PLEKHG5: variants seen among roughly 807,000 people sequenced by gnomAD.
PLEKHG5 encodes the protein pleckstrin homology and RhoGEF domain containing G5, also known as pleckstrin homology domain-containing family G member 5.
PLEKHG5 carries 52 observed loss-of-function variants against 103.8 expected under a neutral mutation model. The ratio of observed to expected loss-of-function variants is 0.50; its 90% CI spans 0.40 to 0.63. PLEKHG5 has a LOEUF of 0.63. PLEKHG5 is among the 30% of genes least tolerant of loss of function. The probability of loss-of-function intolerance (pLI) is 0.00; values close to 1 mark genes in which losing one functional copy is unlikely to be tolerated. For synonymous variants in PLEKHG5, 592 were observed against 575.5 expected (o/e 1.03, Z -0.41); for missense variants, 1,205 against 1,347.6 (o/e 0.89, Z 1.66).
In PLEKHG5 at chr1:6,469,178, C is replaced by T. The variant is rs942417681; in HGVS notation, c.2113G>A (p.Glu705Lys). The T allele has an allele frequency of 6.2e-7, 1 of 1,613,302 alleles. No individual in the cohort carries two copies. Among genetic ancestry groups the T allele is most frequent in the Non-Finnish European group, 8.5e-7 (1 of 1,179,930 alleles). Reference protein sequence around the residue: ...PGSQQPLQSLEEEEDEQEEEE... With the variant: ...PGSQQPLQSLKEEEDEQEEEE... ...TCCTCCTGCTCATCCTCCTCCTCTTCCAGGCTCTGCAGGGGCTGCTGACTG... is the reference window on the plus strand; with the variant it reads ...TCCTCCTGCTCATCCTCCTCCTCTTTCAGGCTCTGCAGGGGCTGCTGACTG... The change falls in exon 19 of 21, where the codon GAA becomes AAA. Residue 705 changes from glutamate (E) to lysine (K), a missense_variant. Coordinates refer to ENST00000377728, the MANE Select transcript of PLEKHG5 (RefSeq NM_020631.6).
rs377254091 is a variant in PLEKHG5 at position 6,473,187 on chromosome 1, C to A, written c.796-13G>T. On this transcript the variant is annotated splice_polypyrimidine_tract_variant and intron_variant, in intron 8 of 20. Coordinates refer to ENST00000377728, the MANE Select transcript of PLEKHG5 (RefSeq NM_020631.6). ...TCTTGTCTACCTCCTGGAAAGATACCCTGGTCAGGGTCAGGGGTCATGGCC... is the reference window on the plus strand; with the variant it reads ...TCTTGTCTACCTCCTGGAAAGATACACTGGTCAGGGTCAGGGGTCATGGCC... 1.9e-6 allele frequency: 3 copies of A among 1,613,516 alleles called. No homozygotes were observed. The highest frequency in any genetic ancestry group is 4.5e-5 in the East Asian group (2 of 44,898).
chr1:6,495,482 T>A (rs1237386323), upstream of PLEKHG5, among the ~76,000 whole-genome samples: 1 of 152,152 alleles, frequency 6.6e-6, no homozygotes, highest in Non-Finnish European at 1.5e-5. Flanking sequence ...AGACACATGA[T>A]GGAAGACAAC....
At chr1:6,476,694 C>T (rs1490037466) in intron 2 of PLEKHG5, among the ~76,000 whole-genome samples, 1 of 152,326 alleles carries the variant, frequency 6.6e-6, no homozygotes, top group East Asian at 1.9e-4. Flanking sequence ...GGCCTCCCCT[C>T]CCCCATGCTG....
Position 6,471,048 on chromosome 1 carries a change from C to T in PLEKHG5, c.1334G>A (p.Cys445Tyr). ...YIRYCMEEEG[C>Y]MEYMRGLLRD... ...CAGCAGGCCGCGCATGTACTCCATGCAGCCCTCCTCCTCCATGCAGTAGCG... is the reference window on the plus strand; with the variant it reads ...CAGCAGGCCGCGCATGTACTCCATGTAGCCCTCCTCCTCCATGCAGTAGCG... Residue 445 changes from cysteine to tyrosine, a missense_variant, in exon 13 of 21, where the codon TGC becomes TAC. Physicochemically the swap from Cys to Tyr is radical, Grantham distance 194 (BLOSUM62 -2). Coordinates refer to ENST00000377728, the MANE Select transcript of PLEKHG5 (RefSeq NM_020631.6). 1 of 1,604,720 alleles carries T rather than the reference C, an allele frequency of 6.2e-7. No homozygotes were observed. The highest frequency in any genetic ancestry group is 8.5e-7 in the Non-Finnish European group (1 of 1,176,154).
intron 10 of PLEKHG5, among the ~76,000 whole-genome samples, chr1:6,472,233 C>T (rs1270387341): frequency 2.6e-5 from 4 of 152,266 alleles, no homozygotes; most frequent in African/African-American, 9.6e-5. Flanking sequence ...CCGTCCAGGG[C>T]GTGGCCTGCT....
chr1:6,518,119 A>G (rs2148641568), intron 1 of PLEKHG5, among the ~76,000 whole-genome samples: 1 of 151,752 alleles, frequency 6.6e-6, no homozygotes, highest in East Asian at 2.0e-4. Flanking sequence ...TTTTTAGTAG[A>G]GACGGGGTTT....
At chr1:6,500,521 C>T (rs569620817), upstream of PLEKHG5, among the ~76,000 whole-genome samples, 5 of 150,890 alleles carry the variant, frequency 3.3e-5, no homozygotes, top group African/African-American at 1.2e-4. Flanking sequence ...ACCCTGAACT[C>T]CCCCCTCCGC....
Position 6,472,998 on chromosome 1 carries a change from A to C in PLEKHG5, c.972T>G (p.Ile324Met). ...GGCCCGCACTCACCTCATGCCCATC[A>C]ATGAGCTCCCGCCAGCTGTCCTCCA... ...LRLEDSWREL[I>M]DGHEKLTRRQ... The change falls in exon 9 of 21, where the codon ATT becomes ATG. Residue 324 changes from isoleucine (I) to methionine (M), a missense_variant. Physicochemically the swap from Ile to Met is conservative, Grantham distance 10. Coordinates refer to ENST00000377728, the MANE Select transcript of PLEKHG5 (RefSeq NM_020631.6). 6.2e-7 allele frequency: 1 copy of C among 1,613,900 alleles called. No homozygotes were observed. Among genetic ancestry groups the C allele is most frequent in the Non-Finnish European group, 8.5e-7 (1 of 1,179,952 alleles).
intron 1 of PLEKHG5, among the ~76,000 whole-genome samples, chr1:6,510,966 G>A (rs1261372262): frequency 4.6e-5 from 7 of 152,248 alleles, no homozygotes; most frequent in Middle Eastern, 3.4e-3. Context: ...GCAGGTGCCC[G>A]TAATCTCAGC....
At chr1:6,497,272 C>A, upstream of PLEKHG5, 1 of 897,006 alleles carries the variant, frequency 1.1e-6, no homozygotes, top group Non-Finnish European at 1.7e-6. The surrounding 1 kb of genome is among the most constrained non-coding windows in gnomAD (Gnocchi z 6.1). Flanking sequence ...GCCGGCCCGG[C>A]CCCCCAGGAC....
chr1:6,519,679 C>A, exon 1 of PLEKHG5: 1 of 664,578 alleles, frequency 1.5e-6, no homozygotes. Flanking sequence ...TGCAGCTGGA[C>A]CTGTCTGCAC....
At chr1:6,495,305 G>A (rs898407561), upstream of PLEKHG5, among the ~76,000 whole-genome samples, 7 of 152,314 alleles carry the variant, frequency 4.6e-5, no homozygotes, top group South Asian at 4.2e-4. Flanking sequence ...TGGTGACCAC[G>A]GCAACTGGAG....
intron 5 of PLEKHG5, 84 bp from the exon 6 acceptor site, chr1:6,474,671 C>T: frequency 7.3e-7 from 1 of 1,366,274 alleles, no homozygotes; most frequent in Non-Finnish European, 1.0e-6. Flanking sequence ...AGCCCCCGCC[C>T]CACCCACAGC....
At position 6,476,682 on chromosome 1, in the gene PLEKHG5, C is replaced by T. The variant is rs148126742; in HGVS notation, c.44-646G>A. Among the ~76,000 whole-genome samples, 643 of 152,336 alleles carry T rather than the reference C, an allele frequency of 4.2e-3. 5 individuals are homozygous for T. The highest frequency in any genetic ancestry group is 0.015 in the African/African-American group (621 of 41,564). On this transcript the variant is annotated intron_variant, in intron 2 of 20. Transcript: ENST00000377728. ...GACCAAAGTCCATGGCTCTTTCTTC[C>T]AGGCCTCCCCTCCCCCATGCTGTGA... is the stretch of plus-strand genomic sequence containing the variant.
At chr1:6,496,516 T>C (rs1398119974), upstream of PLEKHG5, 2 of 1,602,862 alleles carry the variant, frequency 1.2e-6, no homozygotes, top group East Asian at 2.3e-5. Context: ...CCCTTGTCCA[T>C]GCAGGCGGGG....
In PLEKHG5 at chr1:6,490,896, G is replaced by A. The variant is rs532814973; in HGVS notation, c.-88+741C>T. On this transcript the variant is annotated intron_variant, in intron 1 of 20. Coordinates refer to ENST00000377728, the MANE Select transcript of PLEKHG5 (RefSeq NM_020631.6). The surrounding 1 kb of genome is among the most constrained non-coding windows in gnomAD (Gnocchi z 8.0). ...GCTCGCCCATCCCGGAAGGGGGCTA[G>A]GGGGGACCAGGGCCCGCGACAGGAA... Among the ~76,000 whole-genome samples, 7 of 152,092 alleles carry A rather than the reference G, an allele frequency of 4.6e-5. No individual in the cohort carries two copies. In the South Asian group the frequency reaches 1.2e-3, roughly 27 times the overall value.
intron 1 of PLEKHG5, among the ~76,000 whole-genome samples, chr1:6,508,176 G>A (rs36151748): frequency 0.036 from 1,775 of 49,686 alleles, 11 homozygotes; most frequent in Non-Finnish European, 0.056. Context: ...CTGCTGCAGC[G>A]GTCACCTGGG....
intron 2 of PLEKHG5, among the ~76,000 whole-genome samples, chr1:6,476,780 G>A (rs1490063019): frequency 6.6e-6 from 1 of 152,058 alleles, no homozygotes; most frequent in African/African-American, 2.4e-5. Flanking sequence ...TTTAAGACAG[G>A]GTCTTGCTCT....
chr1:6,492,976 T>C (rs547180991), upstream of PLEKHG5, among the ~76,000 whole-genome samples: 1 of 143,036 alleles, frequency 7.0e-6, no homozygotes, highest in East Asian at 2.1e-4. Flanking sequence ...CCCTGCTCAC[T>C]CAGCTGTCCT....
Sources: gnomAD v4.1 joint callset for allele counts (sites outside exome capture counted in the v4.1 genomes callset) on GRCh38, gnomAD v4.1.1 for gene constraint, Gnocchi (gnomAD v3.1) non-coding constraint, MANE v1.5 for transcripts, NCBI Gene and HGNC (gene_info 2026-07-23, HGNC 2026-07-21) for gene names.